The following NEDD9 variants were observed in gnomAD, a reference collection of about 807,000 sequenced individuals.
NEDD9 encodes the protein enhancer of filamentation 1.
In NEDD9, 26 loss-of-function variants were observed where a neutral mutation model predicts 76.6. The ratio of observed to expected loss-of-function variants is 0.34; its 90% CI spans 0.25 to 0.47. The LOEUF (loss-of-function observed/expected upper bound fraction) is 0.47. NEDD9 is among the 20% of genes least tolerant of loss of function. The pLI is 1.00. For synonymous variants in NEDD9, 392 were observed against 414.2 expected (o/e 0.95, Z 0.65); for missense variants, 937 against 1,058.5 (o/e 0.89, Z 1.59).
At chr6:11,305,737 T>G (rs145257836) in intron 3 of NEDD9, 1 of 529,180 alleles carries the variant, frequency 1.9e-6, no homozygotes, top group African/African-American at 1.9e-5. Context: ...ATAATCTATC[T>G]GCATCCCAGA....
chr6:11,382,211 C>G (rs953765436), exon 1 of NEDD9: 4 of 152,286 alleles, frequency 2.6e-5, no homozygotes, highest in African/African-American at 9.6e-5. Flanking sequence ...GGCAGGCGGG[C>G]GGGAGGTGAC....
intron 1 of NEDD9, among the ~76,000 whole-genome samples, chr6:11,222,859 A>T (rs1376487903): frequency 6.6e-6 from 1 of 152,254 alleles, no homozygotes; most frequent in African/African-American, 2.4e-5. Flanking sequence ...TGATAAAATT[A>T]TGGCAGTCAG....
intron 2 of NEDD9, among the ~76,000 whole-genome samples, chr6:11,333,093 A>C (rs1762082825): frequency 6.6e-6 from 1 of 151,840 alleles, no homozygotes; most frequent in Non-Finnish European, 1.5e-5. Context: ...GGAGGGAAGG[A>C]AGGAAGGACA....
chr6:11,379,596 TAATA>T (rs1763027149), intron 1 of NEDD9, among the ~76,000 whole-genome samples: 1 of 151,870 alleles, frequency 6.6e-6, no homozygotes, highest in South Asian at 2.1e-4. Context: ...ATAATAGTAA[TAATA>T]AATTCACTTT....
At chr6:11,345,908 C>T (rs1002552736) in intron 1 of NEDD9, among the ~76,000 whole-genome samples, 4 of 152,208 alleles carry the variant, frequency 2.6e-5, no homozygotes, top group African/African-American at 7.2e-5. Context: ...AACTGGCCTC[C>T]TGGTTGTTCC....
intron 3 of NEDD9, among the ~76,000 whole-genome samples, chr6:11,253,978 A>G (rs1271223909): frequency 6.6e-6 from 1 of 152,228 alleles, no homozygotes; most frequent in Admixed American, 6.5e-5. Context: ...TGCTAAAAGC[A>G]TGAAATTACA....
chr6:11,365,105 C>T (rs527718352), intron 1 of NEDD9, among the ~76,000 whole-genome samples: 17 of 152,222 alleles, frequency 1.1e-4, no homozygotes, highest in African/African-American at 3.6e-4. Flanking sequence ...ACTCACCCCC[C>T]AGATGGGAAC....
chr6:11,238,278 C>T (rs1759648066), intron 3 of NEDD9, among the ~76,000 whole-genome samples: 1 of 152,362 alleles, frequency 6.6e-6, no homozygotes, highest in South Asian at 2.1e-4. Flanking sequence ...CGCCAACTTA[C>T]AGGGTGATGG....
chr6:11,266,292 A>G (rs1463462301), intron 3 of NEDD9, among the ~76,000 whole-genome samples: 3 of 151,958 alleles, frequency 2.0e-5, no homozygotes, highest in African/African-American at 7.3e-5. Flanking sequence ...ATCTGGAGAC[A>G]TTTTGGATTG....
At chr6:11,375,811 C>A (rs1762960052) in intron 1 of NEDD9, among the ~76,000 whole-genome samples, 1 of 151,892 alleles carries the variant, frequency 6.6e-6, no homozygotes, top group Non-Finnish European at 1.5e-5. Flanking sequence ...ATAAGTCAAT[C>A]AACCCTTTTT....
rs1356323578 is a variant in NEDD9 at position 11,366,114 on chromosome 6, T to A, written c.-214+16025A>T. Among the ~76,000 whole-genome samples the A allele has an allele frequency of 2.6e-5, 4 of 151,998 alleles. No individual in the cohort carries two copies. In the East Asian group the frequency reaches 7.7e-4, roughly 29 times the overall value. On this transcript the variant is annotated intron_variant, in intron 1 of 3. Transcript: ENST00000397378. ...GCCTGACCAACAAGGTGAAACCCAG[T>A]CTCTATTAAAACTACAAAAAGTAAC...
At chr6:11,229,482 C>T (rs1427117340) in intron 1 of NEDD9, among the ~76,000 whole-genome samples, 1 of 152,080 alleles carries the variant, frequency 6.6e-6, no homozygotes, top group Non-Finnish European at 1.5e-5. Context: ...CTTCCATCAC[C>T]CTCCTGGGAA....
intron 3 of NEDD9, among the ~76,000 whole-genome samples, chr6:11,291,107 G>C (rs1409885886): frequency 6.6e-6 from 1 of 151,934 alleles, no homozygotes; most frequent in African/African-American, 2.4e-5. Context: ...TCCCTGACTG[G>C]ACCACGAGTG....
chr6:11,232,314 C>G (rs1759495434), intron 1 of NEDD9, among the ~76,000 whole-genome samples, 190 bp downstream of exon 1: 1 of 152,250 alleles, frequency 6.6e-6, no homozygotes, highest in South Asian at 2.1e-4. Flanking sequence ...CTGTGAACCC[C>G]TGGAGTGGGT....
chr6:11,375,613 A>G (rs891456171), intron 1 of NEDD9, among the ~76,000 whole-genome samples: 2 of 152,016 alleles, frequency 1.3e-5, no homozygotes, highest in Non-Finnish European at 2.9e-5. Context: ...ATGGTGAGTG[A>G]GTTTTCACTC....
intron 1 of NEDD9, among the ~76,000 whole-genome samples, chr6:11,364,434 G>T (rs1380384447): frequency 2.6e-5 from 4 of 152,200 alleles, no homozygotes; most frequent in Non-Finnish European, 4.4e-5. Context: ...GAACCTGGGG[G>T]TGGCCTTGGG....
intron 2 of NEDD9, among the ~76,000 whole-genome samples, chr6:11,315,152 A>G (rs552034599): frequency 4.7e-4 from 72 of 152,338 alleles, no homozygotes; most frequent in Non-Finnish European, 7.2e-4. Flanking sequence ...TAGAAACTAC[A>G]GAATCACTGA....
chr6:11,371,852 G>T (rs887658654), intron 1 of NEDD9, among the ~76,000 whole-genome samples: 1 of 152,104 alleles, frequency 6.6e-6, no homozygotes, highest in African/African-American at 2.4e-5. Context: ...AAAAAATTCA[G>T]TGGATACATA....
intron 1 of NEDD9, among the ~76,000 whole-genome samples, chr6:11,357,189 AC>A (rs1188503533): frequency 1.3e-5 from 2 of 152,186 alleles, no homozygotes; most frequent in African/African-American, 2.4e-5. Flanking sequence ...CTGGGACATT[AC>A]ACAAGCGTCT....
Sources: allele counts gnomAD v4.1 joint callset (sites outside exome capture counted in the v4.1 genomes callset), GRCh38; gene constraint gnomAD v4.1.1; transcripts MANE v1.5; gene names NCBI Gene and HGNC (gene_info 2026-07-23, HGNC 2026-07-21).